The following CADM2 variants were observed in gnomAD, a reference collection of about 807,000 sequenced individuals.
CADM2 encodes the protein cell adhesion molecule 2, also known as immunoglobulin superfamily member 4D.
In CADM2, 12 loss-of-function variants were observed where a neutral mutation model predicts 49.8. That is an observed-to-expected ratio of 0.24 (90% CI 0.15 to 0.39). The LOEUF (loss-of-function observed/expected upper bound fraction) is 0.39, where lower values mean the gene tolerates loss of function less well. CADM2 is among the 10% of genes least tolerant of loss of function. CADM2 has a pLI of 1.00. For synonymous variants in CADM2, 214 were observed against 175.4 expected (o/e 1.22, Z -1.74); for missense variants, 378 against 492.3 (o/e 0.77, Z 2.20).
intron 1 of CADM2, among the ~76,000 whole-genome samples, chr3:85,622,509 C>T (rs949428750): frequency 6.6e-6 from 1 of 151,968 alleles, no homozygotes; most frequent in Non-Finnish European, 1.5e-5. Context: ...TGTCTGTTTC[C>T]TCTTGCCTCC....
chr3:84,976,110 C>A (rs1273674796), intron 1 of CADM2, among the ~76,000 whole-genome samples: 1 of 151,560 alleles, frequency 6.6e-6, no homozygotes, highest in Admixed American at 6.6e-5. Context: ...AAAAGTATGT[C>A]TTGGGGAGTA....
chr3:86,019,901 A>T (rs1732885830), intron 8 of CADM2, among the ~76,000 whole-genome samples: 1 of 152,168 alleles, frequency 6.6e-6, no homozygotes, highest in Admixed American at 6.5e-5. Context: ...CCTGGCCAAA[A>T]TTGACACCCT....
chr3:86,042,489 T>A (rs1736077479), intron 8 of CADM2, among the ~76,000 whole-genome samples: 1 of 152,112 alleles, frequency 6.6e-6, no homozygotes, highest in Non-Finnish European at 1.5e-5. Flanking sequence ...AAGAAATGGA[T>A]AAATTCCTTG....
At position 85,271,977 on chromosome 3, in the gene CADM2, C is replaced by T. The variant is rs376056953; in HGVS notation, c.61+312309C>T. ...GTCATATCTCTGAAACAAACAATAT[C>T]TCAAAACCTGCCAACACTATTTCAT... On this transcript the variant is annotated intron_variant, in intron 1 of 9. Transcript: ENST00000383699. Among the ~76,000 whole-genome samples, 203 of 151,248 alleles carry T rather than the reference C, an allele frequency of 1.3e-3. 2 individuals carry two copies. Among genetic ancestry groups the T allele is most frequent in the African/African-American group, 4.5e-3 (185 of 41,410 alleles).
intron 1 of CADM2, among the ~76,000 whole-genome samples, chr3:85,297,672 C>T (rs1295892929): frequency 6.6e-6 from 1 of 152,010 alleles, no homozygotes; most frequent in East Asian, 1.9e-4. Context: ...CACACCTACC[C>T]TCTAACCCCA....
intron 1 of CADM2, among the ~76,000 whole-genome samples, chr3:85,101,396 G>A (rs1055892683): frequency 6.6e-6 from 1 of 152,100 alleles, no homozygotes; most frequent in Non-Finnish European, 1.5e-5. Flanking sequence ...GCCTTGTTAC[G>A]ATATATTATA....
intron 8 of CADM2, among the ~76,000 whole-genome samples, chr3:85,978,624 TAAC>T (rs1263375639): frequency 4.0e-5 from 6 of 151,742 alleles, no homozygotes; most frequent in African/African-American, 7.2e-5. Context: ...ACAATAATAA[TAAC>T]AATTGGCTTC....
At chr3:85,860,910 C>T (rs764752601) in intron 3 of CADM2, among the ~76,000 whole-genome samples, 14 of 152,130 alleles carry the variant, frequency 9.2e-5, no homozygotes, top group South Asian at 2.1e-4. Flanking sequence ...CTCTGAGGTG[C>T]GAATATAGCT....
intron 5 of CADM2, among the ~76,000 whole-genome samples, chr3:85,890,209 AG>A (rs1038743465): frequency 1.8e-4 from 28 of 152,006 alleles, no homozygotes; most frequent in African/African-American, 6.8e-4. Context: ...AAAGGGGTTT[AG>A]GGGAAGGGTA....
chr3:85,791,544 A>AAAGAGAG (rs1559659850), intron 2 of CADM2, among the ~76,000 whole-genome samples: 30 of 99,998 alleles, frequency 3.0e-4, no homozygotes, highest in African/African-American at 8.8e-4. Flanking sequence ...GAGAGAGAGA[A>AAAGAGAG]AGAGAGAGAG....
intron 1 of CADM2, among the ~76,000 whole-genome samples, chr3:84,975,451 T>C (rs2031757837): frequency 6.6e-6 from 1 of 151,812 alleles, no homozygotes. Flanking sequence ...CTTAAGGATT[T>C]TGTAATGCCA....
intron 5 of CADM2, among the ~76,000 whole-genome samples, chr3:85,903,633 C>T (rs911645351): frequency 7.9e-5 from 12 of 152,062 alleles, no homozygotes; most frequent in African/African-American, 2.9e-4. Context: ...TGAGGTATTT[C>T]TATTGCAGTG....
At chr3:85,539,913 T>C (rs1267237479) in intron 1 of CADM2, among the ~76,000 whole-genome samples, 3 of 152,082 alleles carry the variant, frequency 2.0e-5, no homozygotes, top group Non-Finnish European at 4.4e-5. Context: ...AGAAATGTCA[T>C]GTAGAAAGTT....
At chr3:85,789,646 G>A (rs954167400) in intron 2 of CADM2, among the ~76,000 whole-genome samples, 8 of 152,182 alleles carry the variant, frequency 5.3e-5, no homozygotes, top group Admixed American at 4.6e-4. Flanking sequence ...AAAATCATGT[G>A]TTCATTGAAT....
intron 5 of CADM2, among the ~76,000 whole-genome samples, chr3:85,901,483 T>A (rs560700589): frequency 8.5e-4 from 129 of 152,316 alleles, no homozygotes; most frequent in Middle Eastern, 3.4e-3. Context: ...GTAGTCATTA[T>A]ATAAAAAGTC....
At chr3:85,431,038 A>G (rs910247094) in intron 1 of CADM2, among the ~76,000 whole-genome samples, 5 of 152,142 alleles carry the variant, frequency 3.3e-5, no homozygotes, top group African/African-American at 1.2e-4. Context: ...CATATACAAC[A>G]GTGGTCTCAT....
chr3:85,144,620 A>AAAAGAAAGAAAGAAAGAAAGAAAGAAAG (rs60207038), intron 1 of CADM2, among the ~76,000 whole-genome samples: 58 of 136,382 alleles, frequency 4.3e-4, no homozygotes, highest in African/African-American at 1.6e-3. Flanking sequence ...TCAAAAAAAA[A>AAAAGAAAGAAAGAAAGAAAGAAAGAAAG]AAAGAAAGAA....
chr3:85,404,123 AAT>A (rs2035256802), intron 1 of CADM2, among the ~76,000 whole-genome samples: 1 of 152,166 alleles, frequency 6.6e-6, no homozygotes, highest in Non-Finnish European at 1.5e-5. Context: ...GTTAGTTTTA[AAT>A]TATTTTATTT....
intron 1 of CADM2, among the ~76,000 whole-genome samples, chr3:85,494,281 T>C (rs1053119607): frequency 6.6e-6 from 1 of 152,186 alleles, no homozygotes; most frequent in Admixed American, 6.5e-5. Context: ...AAGTTTCATA[T>C]TTTAAAAAAC....
Sources: allele counts gnomAD v4.1 joint callset (sites outside exome capture counted in the v4.1 genomes callset), GRCh38; gene constraint gnomAD v4.1.1; transcripts MANE v1.5; gene names NCBI Gene and HGNC (gene_info 2026-07-23, HGNC 2026-07-21).